The following CD276 variants were observed in gnomAD, a reference collection of about 807,000 sequenced individuals.
The protein encoded by CD276 is CD276 molecule.
Under a neutral mutation model 50.0 loss-of-function variants are expected in CD276, and 34 were observed. The ratio of observed to expected loss-of-function variants is 0.68; its 90% CI spans 0.52 to 0.91. The LOEUF (loss-of-function observed/expected upper bound fraction) is 0.91. CD276 is among the 40% of genes least tolerant of loss of function. The pLI is 0.00. For missense variants in CD276, 634 were observed against 717.5 expected (o/e 0.88, Z 1.33); for synonymous variants, 275 against 313.0 (o/e 0.88, Z 1.28).
At chr15:73,709,772 C>A in intron 8 of CD276, 83 bp downstream of exon 8, 5 of 1,370,590 alleles carry the variant, frequency 3.6e-6, no homozygotes, top group Admixed American at 2.1e-5. Flanking sequence ...TCTGGAGGGG[C>A]CAGATTTGCT....
In CD276 at chr15:73,704,475, A is replaced by T. The variant is rs1900570321; in HGVS notation, c.1369+3A>T. 6.2e-7 allele frequency: 1 copy of T among 1,611,266 alleles called. No homozygotes were observed. Among genetic ancestry groups the T allele is most frequent in the Admixed American group, 1.7e-5 (1 of 59,764 alleles). Reference sequence around the variant, plus strand: ...GCACGGCTCTGTCACCATCACAGGTAAGGGCAGATGAACAGCTGGGGAAGG... The same window carrying T: ...GCACGGCTCTGTCACCATCACAGGTTAGGGCAGATGAACAGCTGGGGAAGG... On this transcript the variant is annotated splice_donor_region_variant and intron_variant, in intron 6 of 9. Coordinates refer to ENST00000318443, the MANE Select transcript of CD276 (RefSeq NM_001024736.2). The surrounding 1 kb of genome is among the most constrained non-coding windows in gnomAD (Gnocchi z 4.1).
At chr15:73,702,165 G>A in intron 2 of CD276, 90 bp from the exon 3 acceptor site, 1 of 1,056,370 alleles carries the variant, frequency 9.5e-7, no homozygotes, top group Non-Finnish European at 1.3e-6. Flanking sequence ...GGTGGACAGG[G>A]CCTGGGGTTA....
chr15:73,684,881 C>T (rs1899678044), intron 1 of CD276: 1 of 152,314 alleles, frequency 6.6e-6, no homozygotes, highest in Non-Finnish European at 1.5e-5. Context: ...TTAACGAAGC[C>T]ACCGGCCGGC....
chr15:73,702,756 C>T lies in CD276; in HGVS notation c.419-16C>T, dbSNP rs1344638146. ...CCATTGCCCTGCCCTTGACCCCTGC[C>T]CTCTGTCACCTCCAGCTCCCTACTC... On this transcript the variant is annotated splice_polypyrimidine_tract_variant and intron_variant, in intron 3 of 9. Coordinates refer to ENST00000318443, the MANE Select transcript of CD276 (RefSeq NM_001024736.2). The T allele has an allele frequency of 6.2e-7, 1 of 1,604,828 alleles. No individual in the cohort carries two copies. The highest frequency in any genetic ancestry group is 1.3e-5 in the African/African-American group (1 of 74,802).
chr15:73,694,703 G>T (rs1246513451), intron 1 of CD276, among the ~76,000 whole-genome samples: 2 of 152,102 alleles, frequency 1.3e-5, no homozygotes, highest in Non-Finnish European at 2.9e-5. Context: ...GGAGGGGAGG[G>T]CATGCTTCTC....
chr15:73,702,127 T>A (rs1900415700), intron 2 of CD276, 128 bp from the exon 3 acceptor site: 1 of 707,286 alleles, frequency 1.4e-6, no homozygotes, highest in Admixed American at 2.9e-5. Context: ...GACAATAAAT[T>A]ACTTTGGGTC....
At chr15:73,703,114 G>T in intron 4 of CD276, 28 bp downstream of exon 4, 2 of 1,546,094 alleles carry the variant, frequency 1.3e-6, no homozygotes. Context: ...TCCCCTTGGG[G>T]GAGGGGGGTT....
In CD276 at chr15:73,713,925, A is replaced by G. The variant is rs1256742009; in HGVS notation, c.*969A>G. ...GTGGGAAGATAAAGTTCCTCCCTCA[A>G]GGACTCCCCATCCAGCTGGGAGACA... is the stretch of plus-strand genomic sequence containing the variant. On this transcript the variant is annotated 3_prime_UTR_variant, in exon 10 of 10. Transcript: ENST00000318443. 5.3e-6 allele frequency: 2 copies of G among 379,618 alleles called. No homozygotes were observed. Among genetic ancestry groups the G allele is most frequent in the South Asian group, 1.9e-5 (1 of 52,566 alleles). 23.5% of individuals were successfully genotyped at this position (379,618 alleles called of 1,614,324 possible). A position where few individuals can be genotyped will look rare whatever the true frequency, so the allele number is the denominator to read the frequency against.
At chr15:73,684,094 A>T (rs576066682), upstream of CD276, 1 of 152,140 alleles carries the variant, frequency 6.6e-6, no homozygotes, top group African/African-American at 2.4e-5. Flanking sequence ...CGCAGAAAGG[A>T]AGATTCGGCT....
rs1900977508 is a variant in CD276, at chr15:73,713,128, A to G, written c.*172A>G. On this transcript the variant is annotated 3_prime_UTR_variant, in exon 10 of 10. Transcript: ENST00000318443. Reference sequence around the variant, plus strand: ...GTGCAGCCTTATTTCTCCAATGGACATGATTCCCAAGTCATCCTGCTGCCT... The same window carrying G: ...GTGCAGCCTTATTTCTCCAATGGACGTGATTCCCAAGTCATCCTGCTGCCT... 1.7e-6 allele frequency: 1 copy of G among 579,436 alleles called. No homozygotes were observed. Among genetic ancestry groups the G allele is most frequent in the Non-Finnish European group, 3.0e-6 (1 of 333,252 alleles). The allele number at this position is 579,436 out of a possible 1,614,324, so 35.9% of individuals were successfully genotyped here. A position where few individuals can be genotyped will look rare whatever the true frequency, so the allele number is the denominator to read the frequency against.
chr15:73,702,133 G>T, intron 2 of CD276, 122 bp from the exon 3 acceptor site: 1 of 728,594 alleles, frequency 1.4e-6, no homozygotes. Flanking sequence ...AAATTACTTT[G>T]GGTCTCAGGC....
intron 1 of CD276, among the ~76,000 whole-genome samples, chr15:73,690,256 G>A (rs1043216906): frequency 1.3e-5 from 2 of 152,222 alleles, no homozygotes; most frequent in African/African-American, 4.8e-5. Flanking sequence ...GTTAAATAAA[G>A]CAGATGTGGT....
At chr15:73,711,212 C>T in intron 9 of CD276, 42 bp downstream of exon 9, 1 of 1,604,052 alleles carries the variant, frequency 6.2e-7, no homozygotes, top group Non-Finnish European at 8.5e-7. Flanking sequence ...TGTATGCACA[C>T]ATCTGTGTGT....
At chr15:73,710,448 G>A (rs972331252) in intron 8 of CD276, among the ~76,000 whole-genome samples, 1 of 152,210 alleles carries the variant, frequency 6.6e-6, no homozygotes, top group Non-Finnish European at 1.5e-5. Flanking sequence ...GCTTGGGTGG[G>A]TGCCAAGGCA....
chr15:73,709,472 G>A (rs1900800532), intron 7 of CD276, 176 bp from the exon 8 acceptor site: 3 of 640,646 alleles, frequency 4.7e-6, no homozygotes, highest in Non-Finnish European at 5.5e-6. Flanking sequence ...TGTTGTCACA[G>A]GCTCGGCTCT....
chr15:73,707,088 T>C (rs1900677699), intron 6 of CD276, among the ~76,000 whole-genome samples: 1 of 152,198 alleles, frequency 6.6e-6, no homozygotes, highest in Non-Finnish European at 1.5e-5. Flanking sequence ...AGAGCAGCAG[T>C]TTTGCCAGCA....
At position 73,701,141 on chromosome 15, in the gene CD276, C is replaced by G. The variant is rs148531553; in HGVS notation, c.80-1114C>G. 7.8e-3 allele frequency among the ~76,000 whole-genome samples: 1,184 copies of G among 151,722 alleles called. 6 individuals carry two copies. Among genetic ancestry groups the G allele is most frequent in the Non-Finnish European group, 0.013 (874 of 67,910 alleles). ...GAACGCCTGACCTCAGGTGATCCAC[C>G]TGCCTCGGCCTCCCATGCCGGGCCT... On this transcript the variant is annotated intron_variant, in intron 2 of 9. Transcript: ENST00000318443.
chr15:73,709,449 G>A, intron 7 of CD276, 199 bp from the exon 8 acceptor site: 1 of 579,522 alleles, frequency 1.7e-6, no homozygotes, highest in South Asian at 2.1e-5. Flanking sequence ...GCTCCAGGCT[G>A]GGAGCCCCTT....
rs966979335 is a variant in CD276 at position 73,687,468 on chromosome 15, C to T, written c.-55+3008C>T. The stretch of plus-strand genomic sequence containing the variant: ...AGGTTTTACCCCTCTTTCTGGAGCC[C>T]GGTAAGATGTGCCAAGGGTCTCCTT... On this transcript the variant is annotated intron_variant, in intron 1 of 9. Transcript: ENST00000318443. This position sits in a 1 kb window ranked among gnomAD's most constrained non-coding sequence, Gnocchi z 4.0. Among the ~76,000 whole-genome samples the T allele has an allele frequency of 1.3e-5, 2 of 152,116 alleles. No individual in the cohort carries two copies. The highest frequency in any genetic ancestry group is 2.4e-5 in the African/African-American group (1 of 41,410).
Sources: gnomAD v4.1 joint callset for allele counts (sites outside exome capture counted in the v4.1 genomes callset) on GRCh38, gnomAD v4.1.1 for gene constraint, Gnocchi (gnomAD v3.1) non-coding constraint, MANE v1.5 for transcripts, NCBI Gene and HGNC (gene_info 2026-07-23, HGNC 2026-07-21) for gene names.